The following DCP2 variants were observed in gnomAD, a reference collection of about 807,000 sequenced individuals.
DCP2 encodes the protein m7GpppN-mRNA hydrolase.
In DCP2, 30 loss-of-function variants were observed where a neutral mutation model predicts 56.1. That is an observed-to-expected ratio of 0.53 (90% CI 0.40 to 0.73). DCP2 has a LOEUF of 0.73. DCP2 is among the 30% of genes least tolerant of loss of function. The probability of loss-of-function intolerance (pLI) is 0.00; values close to 1 mark genes in which losing one functional copy is unlikely to be tolerated. For missense variants in DCP2, 533 were observed against 502.7 expected, an observed-to-expected ratio of 1.06 and a Z score of -0.58; for synonymous variants, 197 against 163.3, an observed-to-expected ratio of 1.21 and a Z score of -1.57.
chr5:113,003,029 G>A (rs1439671839), intron 7 of DCP2, among the ~76,000 whole-genome samples: 7 of 152,126 alleles, frequency 4.6e-5, no homozygotes, highest in Non-Finnish European at 1.0e-4. Context: ...AATTAAATAG[G>A]AGTAAACCAC....
chr5:113,001,345 TCTG>T lies in DCP2; in HGVS notation c.586-11_586-9del. On this transcript the variant is annotated splice_polypyrimidine_tract_variant and intron_variant, in intron 5 of 10. Transcript: ENST00000389063. ...AAATTAACTAAATGAATTATTTTCT[TCTG>T]TGTTTCAGAACATTGAGTGGTTCTC... 1 of 1,601,942 alleles carries T rather than the reference TCTG, an allele frequency of 6.2e-7. No individual in the cohort carries two copies.
At chr5:113,012,410 A>G (rs1330887329) in intron 10 of DCP2, among the ~76,000 whole-genome samples, 3 of 152,180 alleles carry the variant, frequency 2.0e-5, no homozygotes, top group Non-Finnish European at 4.4e-5. Flanking sequence ...TGGGCATTAT[A>G]TGAATATATA....
In DCP2 at chr5:113,001,432, G is replaced by A. The variant is rs1749172729; in HGVS notation, c.661G>A (p.Ala221Thr). 1.9e-6 allele frequency: 3 copies of A among 1,613,908 alleles called. No individual in the cohort carries two copies. The highest frequency in any genetic ancestry group is 1.6e-4 in the Middle Eastern group (1 of 6,062). ...DMTPKSKLGL[A>T]PNKFFMAIPF... is the part of the protein sequence containing the mutation. ...GACCCCCAAATCCAAACTTGGTTTGGCACCTAACAAATTTTTTATGGCCAT... is the reference window on the plus strand; with the variant it reads ...GACCCCCAAATCCAAACTTGGTTTGACACCTAACAAATTTTTTATGGCCAT... Residue 221 changes from alanine (A) to threonine (T), a missense_variant, in exon 6 of 11, where the codon GCA becomes ACA. By Grantham distance (58) the Ala-to-Thr change is moderately conservative. Transcript: ENST00000389063.
chr5:112,984,710 A>G (rs1580795853), intron 1 of DCP2: 2 of 126,892 alleles, frequency 1.6e-5, no homozygotes, highest in East Asian at 4.3e-4. Flanking sequence ...AAAAATATAT[A>G]TATATATATA....
rs1749824261 is a variant in DCP2, at chr5:113,014,943, G to T, written c.*1459G>T. ...AAGGGCTATTTAAGGAATTCACTTGGTAGTACTTTGCTTTAGCTTTTAAAT... is the reference window on the plus strand; with the variant it reads ...AAGGGCTATTTAAGGAATTCACTTGTTAGTACTTTGCTTTAGCTTTTAAAT... On this transcript the variant is annotated 3_prime_UTR_variant, in exon 11 of 11. Transcript: ENST00000389063. 1 of 152,560 alleles carries T rather than the reference G, an allele frequency of 6.6e-6. No individual in the cohort carries two copies. Among genetic ancestry groups the T allele is most frequent in the African/African-American group, 2.4e-5 (1 of 41,422 alleles). The allele number at this position is 152,560 out of a possible 1,614,324, so 9.5% of individuals were successfully genotyped here.
intron 8 of DCP2, among the ~76,000 whole-genome samples, chr5:113,006,508 T>C (rs1749444818): frequency 6.6e-6 from 1 of 152,148 alleles, no homozygotes; most frequent in Non-Finnish European, 1.5e-5. Flanking sequence ...GTAACATGAG[T>C]CATTCAAAGC....
chr5:113,021,540 C>CTTAAG lies in DCP2; in HGVS notation c.*8059_*8063dup, dbSNP rs1180128150. Among the ~76,000 whole-genome samples the CTTAAG allele has an allele frequency of 8.5e-5, 13 of 152,062 alleles. No individual in the cohort carries two copies. The highest frequency in any genetic ancestry group is 2.4e-4 in the African/African-American group (10 of 41,402). On this transcript the variant is annotated 3_prime_UTR_variant, in exon 11 of 11. Coordinates refer to ENST00000389063, the MANE Select transcript of DCP2 (RefSeq NM_152624.6). ...ATTAGATATTTAAAATCCAGCAATTCTTAAGTTTGTGCTAGAATCAGGTTT... is the reference window on the plus strand; with the variant it reads ...ATTAGATATTTAAAATCCAGCAATTCTTAAGTTAAGTTTGTGCTAGAATCAGGTTT...
At chr5:112,988,944 A>G (rs1748440160) in intron 2 of DCP2, among the ~76,000 whole-genome samples, 2 of 152,216 alleles carry the variant, frequency 1.3e-5, no homozygotes, top group African/African-American at 2.4e-5. Context: ...TGCTATTACA[A>G]AACACCAACA....
At chr5:112,994,079 G>A (rs1349132908) in intron 4 of DCP2, among the ~76,000 whole-genome samples, 2 of 151,218 alleles carry the variant, frequency 1.3e-5, no homozygotes, top group Non-Finnish European at 2.9e-5. Flanking sequence ...TTAGAGACAC[G>A]AGCCACCGTG....
At position 113,013,383 on chromosome 5, in the gene DCP2, C is replaced by T. The variant is rs1381634087; in HGVS notation, c.1162C>T (p.Pro388Ser). The T allele has an allele frequency of 1.2e-6, 2 of 1,613,986 alleles. No homozygotes were observed. Among genetic ancestry groups the T allele is most frequent in the African/African-American group, 1.3e-5 (1 of 74,916 alleles). ...DQLLEHAEGQ[P>S]VACNGHCKFP... ...GTTGCTAGAACATGCTGAGGGACAG[C>T]CCGTGGCATGTAATGGACATTGCAA... The change falls in exon 11 of 11, where the codon CCC becomes TCC. Residue 388 changes from proline (P) to serine (S), a missense_variant. Pro to Ser is a moderately conservative substitution (Grantham distance 74). Around this residue, in one of 3 missense-constraint regions of DCP2, gnomAD observed 392 missense variants for 346.6 expected, o/e 1.13. Transcript: ENST00000389063.
At chr5:112,994,457 C>T (rs1023009041) in intron 4 of DCP2, among the ~76,000 whole-genome samples, 2 of 152,116 alleles carry the variant, frequency 1.3e-5, no homozygotes, top group African/African-American at 4.8e-5. Context: ...CAGGCGTGAG[C>T]CACTGTGCCC....
chr5:112,980,217 A>C (rs1356872372), intron 1 of DCP2, among the ~76,000 whole-genome samples: 1 of 152,226 alleles, frequency 6.6e-6, no homozygotes, highest in East Asian at 1.9e-4. Flanking sequence ...GAAACTGAAA[A>C]GTTGGTTGAT....
At chr5:112,978,745 G>C (rs771998138) in intron 1 of DCP2, among the ~76,000 whole-genome samples, 8 of 151,674 alleles carry the variant, frequency 5.3e-5, no homozygotes, top group Non-Finnish European at 1.0e-4. Context: ...ATGACTAGAC[G>C]CACATCAACC....
intron 4 of DCP2, 132 bp downstream of exon 4, chr5:112,992,902 T>A: frequency 1.2e-5 from 1 of 86,320 alleles, no homozygotes; most frequent in Non-Finnish European, 2.1e-5. Context: ...AGTAACTTAC[T>A]TTTTTTTTTT....
intron 8 of DCP2, among the ~76,000 whole-genome samples, chr5:113,006,425 A>T (rs1749440427): frequency 6.6e-6 from 1 of 152,194 alleles, no homozygotes; most frequent in Non-Finnish European, 1.5e-5. Context: ...TGATGTGGTA[A>T]ATTGTATGTA....
At chr5:112,999,492 C>A (rs1749029760) in intron 4 of DCP2, among the ~76,000 whole-genome samples, 1 of 151,958 alleles carries the variant, frequency 6.6e-6, no homozygotes, top group Admixed American at 6.6e-5. Context: ...CCCCGCCTGG[C>A]TAATTTTGTA....
At position 112,992,111 on chromosome 5, in the gene DCP2, CTATT is replaced by C. The variant is rs1561691067; in HGVS notation, c.206-6_206-3del. On this transcript the variant is annotated splice_polypyrimidine_tract_variant and splice_region_variant and intron_variant, in intron 2 of 10. Coordinates refer to ENST00000389063, the MANE Select transcript of DCP2 (RefSeq NM_152624.6). ...AAAGGAGAAAGTAACTTCCTTGACA[CTATT>C]TATACTCTTCAGTCATTGTCCGTTT... 12 of 1,612,996 alleles carry C rather than the reference CTATT, an allele frequency of 7.4e-6. No homozygotes were observed. Among genetic ancestry groups the C allele is most frequent in the Non-Finnish European group, 9.3e-6 (11 of 1,179,770 alleles).
At chr5:113,012,575 A>G (rs552937113) in intron 10 of DCP2, among the ~76,000 whole-genome samples, 6 of 152,220 alleles carry the variant, frequency 3.9e-5, no homozygotes, top group African/African-American at 9.6e-5. Context: ...GGGGGAAAAA[A>G]TCCCAGATAA....
rs780246693 is a variant in DCP2, at chr5:113,001,655, C to G, written c.787C>G (p.Pro263Ala). 6.2e-7 allele frequency: 1 copy of G among 1,614,064 alleles called. No individual in the cohort carries two copies. The highest frequency in any genetic ancestry group is 1.1e-5 in the South Asian group (1 of 91,062). The change falls in exon 7 of 11, where the codon CCC becomes GCC. Residue 263 changes from proline (P) to alanine (A), a missense_variant. Coordinates refer to ENST00000389063, the MANE Select transcript of DCP2 (RefSeq NM_152624.6). ...FSSTGSTPAKPTVEKLSRTKF... is the reference protein window; with the variant it reads ...FSSTGSTPAKATVEKLSRTKF... ...CTCAACTGGTAGCACGCCGGCTAAACCCACTGTGGAAAAATTGAGGTAAAG... is the reference window on the plus strand; with the variant it reads ...CTCAACTGGTAGCACGCCGGCTAAAGCCACTGTGGAAAAATTGAGGTAAAG...
Sources: gnomAD v4.1 joint callset for allele counts (sites outside exome capture counted in the v4.1 genomes callset) on GRCh38, gnomAD v4.1.1 for gene constraint, gnomAD v4.1.1 regional missense constraint, MANE v1.5 for transcripts, NCBI Gene and HGNC (gene_info 2026-07-23, HGNC 2026-07-21) for gene names.